PAIP2B: variants seen among roughly 807,000 people sequenced by gnomAD.
The protein encoded by PAIP2B is poly(A) binding protein interacting protein 2B.
A neutral mutation model predicts 17.0 loss-of-function variants in PAIP2B; 13 were observed. The observed-to-expected ratio is 0.76, with a 90% CI of 0.50 to 1.22. The LOEUF is 1.22. Ranked by LOEUF, PAIP2B falls within the 50% of genes most tolerant of loss-of-function variation. PAIP2B has a pLI of 0.00. For missense variants in PAIP2B, 117 were observed against 144.5 expected (o/e 0.81, Z 0.98); for synonymous variants, 43 against 48.7 (o/e 0.88, Z 0.48).
intron 1 of PAIP2B, among the ~76,000 whole-genome samples, chr2:71,224,834 CAA>C (rs1419683124): frequency 6.6e-6 from 1 of 152,150 alleles, no homozygotes; most frequent in Non-Finnish European, 1.5e-5. Flanking sequence ...AATTTGCAAA[CAA>C]GTTATTATTA....
At chr2:71,217,971 G>T (rs1675473496) in intron 1 of PAIP2B, among the ~76,000 whole-genome samples, 1 of 152,150 alleles carries the variant, frequency 6.6e-6, no homozygotes, top group Non-Finnish European at 1.5e-5. Flanking sequence ...GGGAGGCTGA[G>T]GCGGGAAAAT....
At chr2:71,203,110 G>C (rs1405543528) in intron 1 of PAIP2B, among the ~76,000 whole-genome samples, 1 of 152,124 alleles carries the variant, frequency 6.6e-6, no homozygotes, top group Non-Finnish European at 1.5e-5. Flanking sequence ...CAGCCATCCA[G>C]AGTTAAGAAC....
chr2:71,195,520 A>C (rs1360208645), intron 2 of PAIP2B, among the ~76,000 whole-genome samples: 1 of 152,088 alleles, frequency 6.6e-6, no homozygotes, highest in Non-Finnish European at 1.5e-5. Context: ...TGCTTGTAGT[A>C]GTTTTTGATG....
intron 1 of PAIP2B, among the ~76,000 whole-genome samples, chr2:71,214,121 A>G (rs1361826709): frequency 1.3e-5 from 2 of 152,192 alleles, no homozygotes; most frequent in African/African-American, 4.8e-5. Flanking sequence ...GATTACAGGT[A>G]TGAGCCATCA....
chr2:71,209,828 C>CTT (rs35505740), intron 1 of PAIP2B, among the ~76,000 whole-genome samples: 9 of 147,588 alleles, frequency 6.1e-5, no homozygotes, highest in South Asian at 4.3e-4. Context: ...TCACATAGAA[C>CTT]TTTTTTTTTT....
rs1270714485 is a variant in PAIP2B, at chr2:71,226,990, G to C, written c.-74C>G. The C allele has an allele frequency of 2.0e-5, 3 of 153,006 alleles. No individual in the cohort carries two copies. Among genetic ancestry groups the C allele is most frequent in the Non-Finnish European group, 4.4e-5 (3 of 68,112 alleles). 9.5% of individuals were successfully genotyped at this position (153,006 alleles called of 1,614,324 possible). A position where few individuals can be genotyped will look rare whatever the true frequency, so the allele number is the denominator to read the frequency against. ...TGCCACTCCTCCGAGAGCTTAAGCC[G>C]TTGCCGTAGAGGTCGCCGTCGCCAC... On this transcript the variant is annotated 5_prime_UTR_variant, in exon 1 of 4. Transcript: ENST00000244221.
At chr2:71,218,376 A>C (rs1320279896) in intron 1 of PAIP2B, among the ~76,000 whole-genome samples, 1 of 152,062 alleles carries the variant, frequency 6.6e-6, no homozygotes, top group Non-Finnish European at 1.5e-5. Context: ...TGGAGAAATA[A>C]GGCACTTCCC....
rs1224415466 is a variant in PAIP2B, at chr2:71,185,615, C to T, written c.*2864G>A. The T allele has an allele frequency of 2.0e-5, 3 of 150,090 alleles. No individual in the cohort carries two copies. The East Asian group carries it at 5.8e-4, about 29-fold the overall frequency. 9.3% of individuals were successfully genotyped at this position (150,090 alleles called of 1,614,324 possible). A position where few individuals can be genotyped will look rare whatever the true frequency, so the allele number is the denominator to read the frequency against. On this transcript the variant is annotated 3_prime_UTR_variant, in exon 4 of 4. Transcript: ENST00000244221. ...AAAAGAGGGACCCCAGCTGCTGTGACTTTGGAAACTAAAGGTGTTAACAAA... is the reference window on the plus strand; with the variant it reads ...AAAAGAGGGACCCCAGCTGCTGTGATTTTGGAAACTAAAGGTGTTAACAAA...
intron 1 of PAIP2B, among the ~76,000 whole-genome samples, chr2:71,212,415 C>A (rs1386695365): frequency 6.6e-6 from 1 of 152,122 alleles, no homozygotes; most frequent in East Asian, 1.9e-4. Flanking sequence ...CCCACCAGGT[C>A]CTTAATAAAT....
In PAIP2B at chr2:71,186,389, A is replaced by G. The variant is rs1674540666; in HGVS notation, c.*2090T>C. The stretch of plus-strand genomic sequence containing the variant: ...GAGTCAGTATGTTCAGTGTCTGAAG[A>G]AGACTAGAAATGCCAGCCCTCAGTG... On this transcript the variant is annotated 3_prime_UTR_variant, in exon 4 of 4. Transcript: ENST00000244221. 6.6e-6 allele frequency: 1 copy of G among 152,374 alleles called. No individual in the cohort carries two copies. The highest frequency in any genetic ancestry group is 2.1e-4 in the South Asian group (1 of 4,826). The allele number at this position is 152,374 out of a possible 1,614,324, so 9.4% of individuals were successfully genotyped here. A position where few individuals can be genotyped will look rare whatever the true frequency, so the allele number is the denominator to read the frequency against.
At chr2:71,198,564 C>T (rs969067334) in intron 2 of PAIP2B, among the ~76,000 whole-genome samples, 14 of 152,116 alleles carry the variant, frequency 9.2e-5, no homozygotes, top group Non-Finnish European at 4.4e-5. Context: ...GGATTACAGG[C>T]GTGAGCCACC....
intron 1 of PAIP2B, among the ~76,000 whole-genome samples, chr2:71,220,116 A>G (rs968523684): frequency 2.0e-5 from 3 of 152,196 alleles, no homozygotes; most frequent in African/African-American, 4.8e-5. Flanking sequence ...ACTAGCACAA[A>G]CAATGATGCC....
Position 71,198,281 on chromosome 2 carries a change from GCT to G in PAIP2B, c.138+4169_138+4170del, listed in dbSNP as rs1410201713. Reference sequence around the variant, plus strand: ...ATACAGGTGCCTGCCACCAGGCCCAGCTAATTTTTTTTTTTTTTTTTTGAGAC... The same window carrying G: ...ATACAGGTGCCTGCCACCAGGCCCAGAATTTTTTTTTTTTTTTTTTGAGAC... On this transcript the variant is annotated intron_variant, in intron 2 of 3. Transcript: ENST00000244221. Among the ~76,000 whole-genome samples the G allele has an allele frequency of 1.6e-3, 214 of 135,966 alleles. 1 individual carries two copies. The highest frequency in any genetic ancestry group is 2.7e-3 in the Non-Finnish European group (167 of 61,462). The allele number at this position is 135,966 out of a possible 152,430, so 89.2% of individuals were successfully genotyped here. A position where few individuals can be genotyped will look rare whatever the true frequency, so the allele number is the denominator to read the frequency against.
At chr2:71,219,815 A>G (rs545698712) in intron 1 of PAIP2B, among the ~76,000 whole-genome samples, 179 of 152,246 alleles carry the variant, frequency 1.2e-3, no homozygotes, top group African/African-American at 4.1e-3. Flanking sequence ...ACAGCCAAAC[A>G]CTTTTAATTG....
rs556752244 is a variant in PAIP2B at position 71,191,941 on chromosome 2, T to C, written c.139-1920A>G. Among the ~76,000 whole-genome samples the C allele has an allele frequency of 2.0e-3, 303 of 152,316 alleles. 2 individuals are homozygous for C. The highest frequency in any genetic ancestry group is 7.0e-3 in the African/African-American group (289 of 41,576). Reference sequence around the variant, plus strand: ...TAGTCTAGCCAACCCTCACCTCATGTACTTCTCTATTTCAGACTCACATCC... The same window carrying C: ...TAGTCTAGCCAACCCTCACCTCATGCACTTCTCTATTTCAGACTCACATCC... On this transcript the variant is annotated intron_variant, in intron 2 of 3. Coordinates refer to ENST00000244221, the MANE Select transcript of PAIP2B (RefSeq NM_020459.1).
chr2:71,213,027 A>G (rs1675340131), intron 1 of PAIP2B, among the ~76,000 whole-genome samples: 1 of 152,096 alleles, frequency 6.6e-6, no homozygotes, highest in Non-Finnish European at 1.5e-5. Context: ...GCCAGATTAC[A>G]GATGTGAGCC....
intron 1 of PAIP2B, among the ~76,000 whole-genome samples, chr2:71,215,261 G>A (rs555060562): frequency 7.9e-5 from 12 of 151,808 alleles, no homozygotes; most frequent in African/African-American, 2.7e-4. Flanking sequence ...TCGTGCCACC[G>A]TACTCCAGCC....
chr2:71,187,067 A>G lies in PAIP2B; in HGVS notation c.*1412T>C, dbSNP rs536007758. ...CCTATCACACAGCACAGTAGCAATC[A>G]GAAAGAAGCCACTATTATCTTCAGG... is the stretch of plus-strand genomic sequence containing the variant. On this transcript the variant is annotated 3_prime_UTR_variant, in exon 4 of 4. Coordinates refer to ENST00000244221, the MANE Select transcript of PAIP2B (RefSeq NM_020459.1). 2.6e-5 allele frequency: 4 copies of G among 152,368 alleles called. No homozygotes were observed. In the South Asian group the frequency reaches 8.3e-4, roughly 32 times the overall value. The allele number at this position is 152,368 out of a possible 1,614,324, so 9.4% of individuals were successfully genotyped here. A position where few individuals can be genotyped will look rare whatever the true frequency, so the allele number is the denominator to read the frequency against.
intron 2 of PAIP2B, among the ~76,000 whole-genome samples, chr2:71,191,601 T>C (rs1044748458): frequency 6.6e-6 from 1 of 152,214 alleles, no homozygotes; most frequent in Non-Finnish European, 1.5e-5. Context: ...TAAAATCACA[T>C]TTGTCACCTT....
Sources: allele counts gnomAD v4.1 joint callset (sites outside exome capture counted in the v4.1 genomes callset), GRCh38; gene constraint gnomAD v4.1.1; transcripts MANE v1.5; gene names NCBI Gene and HGNC (gene_info 2026-07-23, HGNC 2026-07-21).